Variants in PSMA1 observed in about 807,000 individuals in gnomAD.
PSMA1 encodes the protein proteasome 20S subunit alpha 1.
PSMA1 carries 3 observed loss-of-function variants against 38.4 expected under a neutral mutation model. The observed-to-expected ratio is 0.08, with a 90% CI of 0.04 to 0.20. The LOEUF (loss-of-function observed/expected upper bound fraction) is 0.20, where lower values mean the gene tolerates loss of function less well. Ranked by LOEUF, PSMA1 falls within the 10% of genes least tolerant of loss-of-function variation. The pLI, the probability that PSMA1 is intolerant of heterozygous loss-of-function variation, is 1.00. For synonymous variants in PSMA1, 101 were observed against 107.1 expected (o/e 0.94, Z 0.35); for missense variants, 227 against 325.3 (o/e 0.70, Z 2.32).
chr11:14,600,606 T>C (rs1434574581), intron 2 of PSMA1, among the ~76,000 whole-genome samples: 2 of 152,220 alleles, frequency 1.3e-5, no homozygotes, highest in Non-Finnish European at 2.9e-5. Flanking sequence ...GGAACAGCAC[T>C]GTATTTGAGC....
At chr11:14,505,652 T>C (rs1381930316) in intron 9 of PSMA1, among the ~76,000 whole-genome samples, 1 of 151,414 alleles carries the variant, frequency 6.6e-6, no homozygotes, top group Admixed American at 6.6e-5. Context: ...AGCCTAGAAA[T>C]ATAAAAAAAA....
chr11:14,507,917 G>C, intron 8 of PSMA1, 151 bp from the exon 9 acceptor site: 1 of 578,396 alleles, frequency 1.7e-6, no homozygotes, highest in South Asian at 2.3e-5. Context: ...AAAAAAGAAG[G>C]AAACTAGTGG....
At position 14,562,398 on chromosome 11, in the gene PSMA1, T is replaced by C. The variant is rs577547321; in HGVS notation, c.22-43357A>G. ...CAAAAAACCTTTCCAAGGCACCCAA[T>C]GGTGCCTCAATGGTCTTTAGCCCAG... On this transcript the variant is annotated intron_variant, in intron 2 of 10. Coordinates refer to the PSMA1 transcript ENST00000418988. Among the ~76,000 whole-genome samples, 4 of 152,334 alleles carry C rather than the reference T, an allele frequency of 2.6e-5. No individual in the cohort carries two copies. The South Asian group carries it at 8.3e-4, about 32-fold the overall frequency.
Position 14,593,661 on chromosome 11 carries a change from A to C in PSMA1, c.21+17305T>G, listed in dbSNP as rs867900249. 4.9e-3 allele frequency among the ~76,000 whole-genome samples: 646 copies of C among 131,646 alleles called. 6 individuals are homozygous for C. Among genetic ancestry groups the C allele is most frequent in the African/African-American group, 0.017 (569 of 33,906 alleles). 86.4% of individuals were successfully genotyped at this position (131,646 alleles called of 152,430 possible). A position where few individuals can be genotyped will look rare whatever the true frequency, so the allele number is the denominator to read the frequency against. On this transcript the variant is annotated intron_variant, in intron 2 of 10. Transcript: ENST00000418988. ...GAGAGAGAGAGAGAGAGAGAGAGAG[A>C]GCGCCAGCCCTAATGTGTGGTCCTA... is the stretch of plus-strand genomic sequence containing the variant.
chr11:14,642,325 T>C (rs1458159022), intron 1 of PSMA1, among the ~76,000 whole-genome samples: 2 of 150,542 alleles, frequency 1.3e-5, no homozygotes, highest in East Asian at 3.9e-4. Context: ...TGCTGAGTTT[T>C]GCTGAAATGA....
At chr11:14,532,658 A>G (rs558469159) in intron 2 of PSMA1, among the ~76,000 whole-genome samples, 14 of 149,800 alleles carry the variant, frequency 9.3e-5, no homozygotes, top group South Asian at 2.1e-4. Context: ...AATAAAGACA[A>G]TATGATTGGC....
chr11:14,513,520 G>C, intron 7 of PSMA1, 50 bp downstream of exon 7: 1 of 1,326,792 alleles, frequency 7.5e-7, no homozygotes, highest in Middle Eastern at 2.5e-4. Context: ...TTACTATATA[G>C]ACTGGAAAAG....
At chr11:14,535,819 G>T (rs1228267617) in intron 2 of PSMA1, among the ~76,000 whole-genome samples, 1 of 151,938 alleles carries the variant, frequency 6.6e-6, no homozygotes, top group Non-Finnish European at 1.5e-5. Context: ...AACTAATAAT[G>T]GTCTTTAAAT....
intron 4 of PSMA1, 134 bp from the exon 5 acceptor site, chr11:14,514,625 G>T: frequency 1.5e-6 from 1 of 676,140 alleles, no homozygotes; most frequent in Non-Finnish European, 2.3e-6. Flanking sequence ...CAGAAGGTAA[G>T]AAAGACATGC....
chr11:14,621,606 G>C (rs1045640541), intron 1 of PSMA1, among the ~76,000 whole-genome samples: 1 of 152,124 alleles, frequency 6.6e-6, no homozygotes, highest in African/African-American at 2.4e-5. Flanking sequence ...TGCTAGTAAT[G>C]AATTGGCACA....
intron 1 of PSMA1, among the ~76,000 whole-genome samples, chr11:14,626,100 A>C (rs1338763118): frequency 6.7e-6 from 1 of 148,664 alleles, no homozygotes; most frequent in East Asian, 1.9e-4. Context: ...ATGAAAGTAA[A>C]GGAATCACTT....
At chr11:14,617,451 G>A (rs1348530512) in intron 1 of PSMA1, among the ~76,000 whole-genome samples, 1 of 151,958 alleles carries the variant, frequency 6.6e-6, no homozygotes. Flanking sequence ...ATTAATCTCT[G>A]TTTCTCCAGT....
At chr11:14,641,105 C>T (rs1191271822) in intron 1 of PSMA1, among the ~76,000 whole-genome samples, 1 of 151,622 alleles carries the variant, frequency 6.6e-6, no homozygotes, top group Non-Finnish European at 1.5e-5. Flanking sequence ...TGCAGCAAAC[C>T]ACCACGGCAC....
chr11:14,616,970 T>C (rs1379277243), intron 1 of PSMA1, among the ~76,000 whole-genome samples: 1 of 152,214 alleles, frequency 6.6e-6, no homozygotes, highest in Non-Finnish European at 1.5e-5. Flanking sequence ...GGATTCCTAA[T>C]AGTGAACCCC....
At chr11:14,555,088 G>A (rs1444917619) in intron 2 of PSMA1, among the ~76,000 whole-genome samples, 3 of 152,224 alleles carry the variant, frequency 2.0e-5, no homozygotes, top group African/African-American at 7.2e-5. Context: ...GCAAGTTAAG[G>A]AGGATGTGGT....
chr11:14,507,398 C>T (rs1390500790), intron 9 of PSMA1, among the ~76,000 whole-genome samples: 1 of 152,094 alleles, frequency 6.6e-6, no homozygotes, highest in African/African-American at 2.4e-5. Context: ...CATCTGTTGA[C>T]CTCGTGATTC....
chr11:14,590,678 C>T (rs1852402361), intron 2 of PSMA1, among the ~76,000 whole-genome samples: 1 of 152,188 alleles, frequency 6.6e-6, no homozygotes, highest in Non-Finnish European at 1.5e-5. Flanking sequence ...CAGTCTGATC[C>T]ACTCCAAGAG....
intron 8 of PSMA1, among the ~76,000 whole-genome samples, chr11:14,509,569 T>G (rs535762115): frequency 6.6e-6 from 1 of 151,888 alleles, no homozygotes; most frequent in African/African-American, 2.4e-5. Flanking sequence ...CCCGGCTGAT[T>G]TTTGTATTTT....
At chr11:14,627,178 G>A (rs1852921808) in intron 1 of PSMA1, among the ~76,000 whole-genome samples, 1 of 152,068 alleles carries the variant, frequency 6.6e-6, no homozygotes, top group Non-Finnish European at 1.5e-5. Context: ...TCCTAATACA[G>A]ACACACTGGG....
Sources: gnomAD v4.1 joint callset for allele counts (sites outside exome capture counted in the v4.1 genomes callset) on GRCh38, gnomAD v4.1.1 for gene constraint, MANE v1.5 for transcripts, NCBI Gene and HGNC (gene_info 2026-07-23, HGNC 2026-07-21) for gene names.